Variants in SCHIP1 observed in about 807,000 individuals in gnomAD.
SCHIP1 encodes schwannomin-interacting protein 1.
In SCHIP1, 8 loss-of-function variants were observed where a neutral mutation model predicts 29.7. The ratio of observed to expected loss-of-function variants is 0.27; its 90% CI spans 0.16 to 0.49. The LOEUF (loss-of-function observed/expected upper bound fraction) is 0.49, where lower values mean the gene tolerates loss of function less well. SCHIP1 is among the 20% of genes least tolerant of loss of function. The probability of loss-of-function intolerance (pLI) is 0.99; values close to 1 mark genes in which losing one functional copy is unlikely to be tolerated. For missense variants in SCHIP1, 193 were observed against 294.6 expected (o/e 0.66, Z 2.52); for synonymous variants, 76 against 94.9 (o/e 0.80, Z 1.16).
the SCHIP1 span, among the ~76,000 whole-genome samples, chr3:159,327,955 A>C: frequency 6.6e-6 from 1 of 152,166 alleles, no homozygotes; most frequent in South Asian, 2.1e-4. Flanking sequence ...AACTATAGCA[A>C]AGGTTCTTGG....
At chr3:159,492,054 G>T in the SCHIP1 span, among the ~76,000 whole-genome samples, 3 of 152,156 alleles carry the variant, frequency 2.0e-5, no homozygotes, top group Non-Finnish European at 4.4e-5. Flanking sequence ...CTGTTAGAAG[G>T]AAAACTAACA....
At chr3:159,407,293 AT>A in the SCHIP1 span, among the ~76,000 whole-genome samples, 1 of 152,218 alleles carries the variant, frequency 6.6e-6, no homozygotes, top group Non-Finnish European at 1.5e-5. Flanking sequence ...GGGACAAAAA[AT>A]GTCGTTATAT....
the SCHIP1 span, among the ~76,000 whole-genome samples, chr3:159,550,686 A>C: frequency 7.9e-5 from 12 of 152,084 alleles, no homozygotes; most frequent in African/African-American, 2.9e-4. Context: ...TTATCTCATA[A>C]TTGATTGGCA....
intron 1 of SCHIP1, among the ~76,000 whole-genome samples, chr3:159,848,641 G>A (rs963421875): frequency 2.0e-5 from 3 of 151,814 alleles, no homozygotes; most frequent in Non-Finnish European, 4.4e-5. Context: ...ACACTTTAAG[G>A]TATATTCAAA....
At chr3:159,751,232 G>T in the SCHIP1 span, among the ~76,000 whole-genome samples, 4 of 152,040 alleles carry the variant, frequency 2.6e-5, no homozygotes, top group Admixed American at 2.6e-4. Context: ...TACTCTTTAT[G>T]GCCTGAGAGC....
At chr3:159,361,635 G>A in the SCHIP1 span, among the ~76,000 whole-genome samples, 1 of 152,176 alleles carries the variant, frequency 6.6e-6, no homozygotes, top group African/African-American at 2.4e-5. Flanking sequence ...AGAATAGATT[G>A]TAGGGGGCAA....
the SCHIP1 span, among the ~76,000 whole-genome samples, chr3:159,786,631 A>C: frequency 7.5e-3 from 1,140 of 151,834 alleles, 9 homozygotes; most frequent in Middle Eastern, 0.024. Context: ...TCGCACCTTT[A>C]GTCAGATAAG....
chr3:159,829,496 A>G, the SCHIP1 span, among the ~76,000 whole-genome samples: 7 of 152,238 alleles, frequency 4.6e-5, no homozygotes, highest in African/African-American at 1.7e-4. Context: ...AGTCCTGTAA[A>G]GCTGTGGTAA....
the SCHIP1 span, among the ~76,000 whole-genome samples, chr3:159,311,013 A>G: frequency 6.6e-6 from 1 of 152,230 alleles, no homozygotes; most frequent in South Asian, 2.1e-4. Context: ...CCCATATCAT[A>G]TGATAGTTTT....
At chr3:159,780,675 T>C in the SCHIP1 span, among the ~76,000 whole-genome samples, 1 of 152,218 alleles carries the variant, frequency 6.6e-6, no homozygotes, top group East Asian at 1.9e-4. Flanking sequence ...CGGCATCTTG[T>C]CCACACACCC....
chr3:159,388,802 G>C, the SCHIP1 span, among the ~76,000 whole-genome samples: 95,925 of 151,894 alleles, frequency 0.63, 31,018 homozygotes, highest in East Asian at 0.75. Context: ...TTCAACTCGG[G>C]AAATGGATAA....
the SCHIP1 span, among the ~76,000 whole-genome samples, chr3:159,428,647 A>G: frequency 4.0e-5 from 6 of 150,756 alleles, no homozygotes; most frequent in African/African-American, 1.2e-4. Flanking sequence ...GCGATTCCTC[A>G]GGGATCTAGA....
At chr3:159,458,545 A>C in the SCHIP1 span, among the ~76,000 whole-genome samples, 4 of 151,170 alleles carry the variant, frequency 2.6e-5, no homozygotes. Flanking sequence ...TCAGCCTCAC[A>C]ACAGATGAAC....
the SCHIP1 span, among the ~76,000 whole-genome samples, chr3:159,546,296 G>C: frequency 6.6e-6 from 1 of 152,004 alleles, no homozygotes; most frequent in African/African-American, 2.4e-5. Context: ...AATTTCTGGG[G>C]GAAAGGAGTA....
At chr3:159,570,602 T>G in the SCHIP1 span, among the ~76,000 whole-genome samples, 3 of 152,128 alleles carry the variant, frequency 2.0e-5, no homozygotes, top group South Asian at 4.1e-4. Flanking sequence ...TTGTTCTTTT[T>G]GCTTAGGATT....
At chr3:159,870,478 G>C (rs1715138716) in intron 2 of SCHIP1, among the ~76,000 whole-genome samples, 1 of 151,856 alleles carries the variant, frequency 6.6e-6, no homozygotes, top group Admixed American at 6.6e-5. Context: ...TTGAGTTGAA[G>C]AAAAAGTACA....
At chr3:159,485,088 A>G in the SCHIP1 span, among the ~76,000 whole-genome samples, 16 of 152,158 alleles carry the variant, frequency 1.1e-4, no homozygotes, top group African/African-American at 3.9e-4. Flanking sequence ...GAGTTCTCAA[A>G]ATCAATGTTT....
chr3:159,602,427 C>T, the SCHIP1 span, among the ~76,000 whole-genome samples: 6 of 152,158 alleles, frequency 3.9e-5, no homozygotes, highest in East Asian at 3.9e-4. Context: ...AACATCAGGC[C>T]GGGCCAGGCA....
At chr3:159,504,245 G>A in the SCHIP1 span, among the ~76,000 whole-genome samples, 4 of 152,130 alleles carry the variant, frequency 2.6e-5, no homozygotes, top group Non-Finnish European at 4.4e-5. Context: ...GTTCAGTACT[G>A]GAGATTATAA....
Sources: gnomAD v4.1 joint callset for allele counts (sites outside exome capture counted in the v4.1 genomes callset) on GRCh38, gnomAD v4.1.1 for gene constraint, MANE v1.5 for transcripts, NCBI Gene and HGNC (gene_info 2026-07-23, HGNC 2026-07-21) for gene names.